Variants in CHCHD6 observed in about 807,000 individuals in gnomAD.
The protein encoded by CHCHD6 is MICOS complex subunit MIC25.
In CHCHD6, 28 loss-of-function variants were observed where a neutral mutation model predicts 32.3. The ratio of observed to expected loss-of-function variants is 0.87; its 90% confidence interval spans 0.64 to 1.19. The LOEUF (loss-of-function observed/expected upper bound fraction) is 1.19, where lower values mean the gene tolerates loss of function less well. Among genes scored for constraint, CHCHD6 ranks in the 50% most tolerant of loss-of-function variants. The probability of loss-of-function intolerance (pLI) is 0.00; values close to 1 mark genes in which losing one functional copy is unlikely to be tolerated. For synonymous variants in CHCHD6, 122 were observed against 117.5 expected (o/e 1.04, Z -0.25); for missense variants, 333 against 307.0 (o/e 1.08, Z -0.63).
intron 4 of CHCHD6, among the ~76,000 whole-genome samples, chr3:126,737,390 G>GTGTATA (rs755051777): frequency 7.4e-4 from 98 of 132,636 alleles, no homozygotes; most frequent in African/African-American, 2.4e-3. Flanking sequence ...TGATGTGTGA[G>GTGTATA]TATATATATA....
chr3:126,901,133 G>A (rs1559911949), intron 5 of CHCHD6, among the ~76,000 whole-genome samples: 1 of 152,130 alleles, frequency 6.6e-6, no homozygotes, highest in Non-Finnish European at 1.5e-5. Context: ...GCTTCACAGG[G>A]GCAAGTGGTG....
chr3:126,954,195 G>A (rs1301975588), intron 6 of CHCHD6, among the ~76,000 whole-genome samples: 2 of 152,150 alleles, frequency 1.3e-5, no homozygotes, highest in Admixed American at 6.5e-5. Flanking sequence ...TCCCACGGGC[G>A]ATACTGGCAA....
intron 4 of CHCHD6, among the ~76,000 whole-genome samples, chr3:126,779,322 A>G (rs986962470): frequency 1.3e-5 from 2 of 152,054 alleles, no homozygotes; most frequent in African/African-American, 4.8e-5. Flanking sequence ...GTGGATCACG[A>G]GGTCAGGAGT....
At chr3:126,794,222 G>A (rs915811874) in intron 4 of CHCHD6, among the ~76,000 whole-genome samples, 2 of 151,068 alleles carry the variant, frequency 1.3e-5, no homozygotes, top group African/African-American at 4.9e-5. Context: ...GACTGTAATG[G>A]TTCTTTGCAT....
intron 4 of CHCHD6, among the ~76,000 whole-genome samples, chr3:126,765,367 A>C (rs1937326230): frequency 6.6e-6 from 1 of 152,216 alleles, no homozygotes; most frequent in Non-Finnish European, 1.5e-5. Flanking sequence ...CTCACTCAGC[A>C]CAGCGAGCTC....
rs1025979122 is a variant in CHCHD6 at position 126,825,677 on chromosome 3, C to G, written c.412-26970C>G. ...CTTTATCTCTAGTGATACTTCTTCCCTTAAAGTCTACTTTAATGTTAACTT... is the reference window on the plus strand; with the variant it reads ...CTTTATCTCTAGTGATACTTCTTCCGTTAAAGTCTACTTTAATGTTAACTT... On this transcript the variant is annotated intron_variant, in intron 4 of 7. Transcript: ENST00000290913. Among the ~76,000 whole-genome samples the G allele has an allele frequency of 3.3e-4, 50 of 152,278 alleles. 1 individual carries two copies. Among genetic ancestry groups the G allele is most frequent in the African/African-American group, 1.2e-3 (48 of 41,564 alleles).
At chr3:126,887,963 T>C (rs538767862) in intron 5 of CHCHD6, among the ~76,000 whole-genome samples, 1 of 152,314 alleles carries the variant, frequency 6.6e-6, no homozygotes, top group South Asian at 2.1e-4. Context: ...AGAATCCTAC[T>C]AATATCCACT....
intron 4 of CHCHD6, among the ~76,000 whole-genome samples, chr3:126,828,564 G>A (rs191875656): frequency 7.2e-5 from 11 of 152,302 alleles, no homozygotes; most frequent in Non-Finnish European, 1.3e-4. Context: ...TTGCAGGCCC[G>A]TCCTGTCGGA....
At chr3:126,834,010 C>T (rs927519345) in intron 4 of CHCHD6, among the ~76,000 whole-genome samples, 6 of 141,752 alleles carry the variant, frequency 4.2e-5, no homozygotes, top group African/African-American at 1.1e-4. Flanking sequence ...GCCGAGATCC[C>T]GCCACTGCAC....
chr3:126,754,572 A>G (rs1212418430), intron 4 of CHCHD6, among the ~76,000 whole-genome samples: 1 of 152,220 alleles, frequency 6.6e-6, no homozygotes, highest in Non-Finnish European at 1.5e-5. Context: ...GAGCATGTCC[A>G]GGAACATTCT....
intron 4 of CHCHD6, among the ~76,000 whole-genome samples, chr3:126,794,511 C>T (rs1375158): frequency 0.14 from 20,778 of 150,894 alleles, 1,935 homozygotes; most frequent in Non-Finnish European, 0.2. Context: ...ATCTCTAGTT[C>T]TTATTTTTTA....
intron 6 of CHCHD6, among the ~76,000 whole-genome samples, chr3:126,951,726 G>T (rs2078718063): frequency 6.6e-6 from 1 of 152,190 alleles, no homozygotes; most frequent in African/African-American, 2.4e-5. Flanking sequence ...ATGGGCTGGG[G>T]ACACAGACCA....
intron 1 of CHCHD6, among the ~76,000 whole-genome samples, chr3:126,715,960 G>A (rs1934994486): frequency 6.6e-6 from 1 of 152,090 alleles, no homozygotes; most frequent in Non-Finnish European, 1.5e-5. Flanking sequence ...TCACTTCCTT[G>A]GCGTCTTTTG....
chr3:126,913,616 C>T (rs1220698699), intron 5 of CHCHD6, among the ~76,000 whole-genome samples: 5 of 152,156 alleles, frequency 3.3e-5, no homozygotes, highest in Admixed American at 6.5e-5. Context: ...GGTCTGACCA[C>T]GGGCCCTGCC....
At chr3:126,849,302 G>A (rs1403569408) in intron 4 of CHCHD6, among the ~76,000 whole-genome samples, 1 of 152,266 alleles carries the variant, frequency 6.6e-6, no homozygotes, top group African/African-American at 2.4e-5. Flanking sequence ...CAGACTTGGA[G>A]CCAGCAGGCC....
At chr3:126,856,384 A>G (rs1273913110) in intron 5 of CHCHD6, among the ~76,000 whole-genome samples, 1 of 152,158 alleles carries the variant, frequency 6.6e-6, no homozygotes, top group African/African-American at 2.4e-5. Context: ...GGCCATTCCC[A>G]GATTCCTTAG....
intron 4 of CHCHD6, among the ~76,000 whole-genome samples, chr3:126,806,918 A>T (rs1481852568): frequency 6.6e-6 from 1 of 151,860 alleles, no homozygotes; most frequent in East Asian, 1.9e-4. Context: ...TGAAACTGGA[A>T]ATCATCATTC....
intron 2 of CHCHD6, among the ~76,000 whole-genome samples, chr3:126,729,595 C>A (rs1263313154): frequency 2.0e-5 from 3 of 152,304 alleles, no homozygotes; most frequent in Non-Finnish European, 4.4e-5. Flanking sequence ...CTCCTGAGTT[C>A]ACCTCAGTTG....
Position 126,788,249 on chromosome 3 carries a change from G to A in CHCHD6, c.411+55027G>A, listed in dbSNP as rs147876311. On this transcript the variant is annotated intron_variant, in intron 4 of 7. Transcript: ENST00000290913. ...TGCCAGTATTTTATTGAGGATTTTC[G>A]CATTGATGTTCTTCAGGGATATTGG... Among the ~76,000 whole-genome samples, 939 of 152,192 alleles carry A rather than the reference G, an allele frequency of 6.2e-3. 9 individuals are homozygous for A. The highest frequency in any genetic ancestry group is 0.021 in the African/African-American group (891 of 41,514).
Sources: allele counts gnomAD v4.1 joint callset (sites outside exome capture counted in the v4.1 genomes callset), GRCh38; gene constraint gnomAD v4.1.1; transcripts MANE v1.5; gene names NCBI Gene and HGNC (gene_info 2026-07-23, HGNC 2026-07-21).